NLGN4X: variants seen among roughly 807,000 people sequenced by gnomAD.
NLGN4X encodes the protein neuroligin-4, X-linked.
Under a neutral mutation model 40.3 loss-of-function variants are expected in NLGN4X, and 3 were observed. The observed-to-expected ratio is 0.07, with a 90% CI of 0.03 to 0.19. The LOEUF (loss-of-function observed/expected upper bound fraction) is 0.19, where lower values mean the gene tolerates loss of function less well. Ranked by LOEUF, NLGN4X falls within the 10% of genes least tolerant of loss-of-function variation. The pLI is 1.00. For missense variants in NLGN4X, 382 were observed against 708.3 expected (o/e 0.54, Z 5.23); for synonymous variants, 270 against 306.8 (o/e 0.88, Z 1.25).
intron 2 of NLGN4X, among the ~76,000 whole-genome samples, chrX:6,096,206 G>A (rs2038772218): frequency 9.0e-6 from 1 of 111,647 alleles, no homozygotes; most frequent in Admixed American, 9.5e-5. Context: ...CCACTCATCT[G>A]TCAAAAAACA....
intron 3 of NLGN4X, 135 bp downstream of exon 3, chrX:6,029,145 A>G: frequency 1.4e-6 from 1 of 733,403 alleles, no homozygotes; most frequent in South Asian, 2.3e-5. Flanking sequence ...ATCCAATCAC[A>G]TAAAGTAAAT....
intron 3 of NLGN4X, among the ~76,000 whole-genome samples, chrX:5,976,955 C>T (rs746246311): frequency 1.8e-5 from 2 of 112,408 alleles, no homozygotes; most frequent in South Asian, 3.7e-4. Context: ...ACAGCACTGC[C>T]TCATATCTTT....
In NLGN4X at chrX:5,892,938, T is replaced by C; in HGVS notation, c.2330A>G (p.Asn777Ser). The change falls in exon 6 of 6, where the codon AAC (asparagine) becomes AGC (serine). Residue 777 changes from asparagine to serine, a missense_variant. Coordinates refer to ENST00000381095, the MANE Select transcript of NLGN4X (RefSeq NM_181332.3). ...SPDDIPLMTPNTITMIPNTLT... is the reference protein window; with the variant it reads ...SPDDIPLMTPSTITMIPNTLT... ...TGTGTTTGGAATCATGGTGATGGTG[T>C]TTGGCGTCATAAGTGGGATGTCATC... is the stretch of plus-strand genomic sequence containing the variant. 1 of 1,211,537 alleles carries C rather than the reference T, an allele frequency of 8.3e-7. No homozygotes were observed.
intron 1 of NLGN4X, among the ~76,000 whole-genome samples, chrX:6,179,522 T>C (rs1921199784): frequency 2.7e-5 from 3 of 111,958 alleles, no homozygotes; most frequent in Middle Eastern, 4.6e-3. Context: ...GTGCTACTTA[T>C]ATAATTTTGA....
intron 2 of NLGN4X, among the ~76,000 whole-genome samples, chrX:6,048,996 T>TTAAAA (rs913555314): frequency 5.2e-4 from 55 of 105,275 alleles, no homozygotes; most frequent in African/African-American, 1.5e-3. Context: ...ATCCCAGAAC[T>TTAAAA]TAAAATAAAA....
At chrX:6,138,484 T>A (rs1323912900) in intron 2 of NLGN4X, among the ~76,000 whole-genome samples, 1 of 112,045 alleles carries the variant, frequency 8.9e-6, no homozygotes, top group Non-Finnish European at 1.9e-5. Context: ...ATTAAAAAGC[T>A]GTAAACGTCT....
At chrX:6,056,655 A>G (rs778161567) in intron 2 of NLGN4X, among the ~76,000 whole-genome samples, 6 of 112,069 alleles carry the variant, frequency 5.4e-5, no homozygotes, top group Non-Finnish European at 1.1e-4. Context: ...AGACCAAACA[A>G]TTAGAAAGAG....
chrX:6,078,710 T>C (rs1164136030), intron 2 of NLGN4X, among the ~76,000 whole-genome samples: 1 of 80,782 alleles, frequency 1.2e-5, no homozygotes, highest in Non-Finnish European at 2.5e-5. Context: ...ATTAAAACCA[T>C]TCCTGAGTGT....
intron 3 of NLGN4X, among the ~76,000 whole-genome samples, chrX:6,007,091 T>C (rs1569182285): frequency 8.9e-6 from 1 of 111,928 alleles, no homozygotes; most frequent in Non-Finnish European, 1.9e-5. Flanking sequence ...TGTTTATATA[T>C]ACCATGGTTT....
intron 1 of NLGN4X, among the ~76,000 whole-genome samples, chrX:6,192,155 G>C (rs1922599770): frequency 9.0e-6 from 1 of 110,958 alleles, no homozygotes; most frequent in Non-Finnish European, 1.9e-5. Flanking sequence ...CTTTGAGACA[G>C]GGTCTTGCTC....
intron 2 of NLGN4X, among the ~76,000 whole-genome samples, chrX:6,078,748 G>A (rs930834452): frequency 9.0e-6 from 1 of 111,144 alleles, no homozygotes; most frequent in Non-Finnish European, 1.9e-5. Context: ...AGGAATGGTT[G>A]CAGGGTAGTT....
At chrX:5,952,317 A>C (rs759559709) in intron 3 of NLGN4X, among the ~76,000 whole-genome samples, 44 of 112,200 alleles carry the variant, frequency 3.9e-4, no homozygotes, top group African/African-American at 1.4e-3. Context: ...CGGGATAAAC[A>C]AAAGAATGTG....
At chrX:6,116,036 G>A (rs746691507) in intron 2 of NLGN4X, among the ~76,000 whole-genome samples, 1 of 109,826 alleles carries the variant, frequency 9.1e-6, no homozygotes, top group Admixed American at 9.8e-5. Context: ...GCTCATGTCT[G>A]TAATCCCAGC....
intron 1 of NLGN4X, among the ~76,000 whole-genome samples, chrX:6,155,126 G>A (rs2040236697): frequency 9.0e-6 from 1 of 111,125 alleles, no homozygotes; most frequent in Non-Finnish European, 1.9e-5. Flanking sequence ...AAAACAGGAA[G>A]CTTTGTAGAT....
In NLGN4X at chrX:6,149,162, T is replaced by C. The variant is rs147619437; in HGVS notation, c.472+1833A>G. Among the ~76,000 whole-genome samples the C allele has an allele frequency of 1.9e-3, 211 of 112,355 alleles. 1 individual carries two copies. Among genetic ancestry groups the C allele is most frequent in the African/African-American group, 6.5e-3 (202 of 30,954 alleles). On this transcript the variant is annotated intron_variant, in intron 2 of 5. Coordinates refer to ENST00000381095, the MANE Select transcript of NLGN4X (RefSeq NM_181332.3). Reference sequence around the variant, plus strand: ...CTCAAATTTTAATTCAATACCGAATTGCAATGAAACGGCCACACCGTTTGT... The same window carrying C: ...CTCAAATTTTAATTCAATACCGAATCGCAATGAAACGGCCACACCGTTTGT...
At chrX:6,028,496 T>C (rs895242317) in intron 3 of NLGN4X, among the ~76,000 whole-genome samples, 1 of 109,354 alleles carries the variant, frequency 9.1e-6, no homozygotes, top group African/African-American at 3.3e-5. Flanking sequence ...CTGTCTCTAT[T>C]AAAAACACAA....
chrX:6,086,660 C>T (rs2038503962), intron 2 of NLGN4X, among the ~76,000 whole-genome samples: 1 of 111,527 alleles, frequency 9.0e-6, no homozygotes. Context: ...AGGACGGGGT[C>T]TTGTTCTGTC....
intron 1 of NLGN4X, among the ~76,000 whole-genome samples, chrX:6,221,477 C>T (rs1379246360): frequency 2.1e-5 from 2 of 96,039 alleles, no homozygotes; most frequent in African/African-American, 7.9e-5. Flanking sequence ...ACATTTTCAG[C>T]AAAGACTAGT....
intron 1 of NLGN4X, among the ~76,000 whole-genome samples, chrX:6,182,266 T>C (rs746467850): frequency 1.8e-5 from 2 of 111,512 alleles, no homozygotes; most frequent in Non-Finnish European, 3.8e-5. Flanking sequence ...ATACCTTCCA[T>C]CGAGTATACA....
Sources: allele counts gnomAD v4.1 joint callset (sites outside exome capture counted in the v4.1 genomes callset), GRCh38; gene constraint gnomAD v4.1.1; transcripts MANE v1.5; gene names NCBI Gene and HGNC (gene_info 2026-07-23, HGNC 2026-07-21).